SPAG1: variants seen among roughly 807,000 people sequenced by gnomAD.
SPAG1 encodes the protein sperm-associated antigen 1.
SPAG1 carries 69 observed loss-of-function variants against 100.5 expected under a neutral mutation model. The observed-to-expected ratio is 0.69, with a 90% CI of 0.57 to 0.84. SPAG1 has a LOEUF of 0.84. SPAG1 is among the 40% of genes least tolerant of loss of function. SPAG1 has a pLI of 0.00. For synonymous variants in SPAG1, 336 were observed against 411.6 expected, an observed-to-expected ratio of 0.82 and a Z score of 2.22; for missense variants, 955 against 1,133.1, an observed-to-expected ratio of 0.84 and a Z score of 2.26.
At chr8:100,221,741 G>C (rs1174395491) in intron 13 of SPAG1, among the ~76,000 whole-genome samples, 6 of 152,240 alleles carry the variant, frequency 3.9e-5, no homozygotes, top group Non-Finnish European at 7.3e-5. Context: ...TTGTTGCAGA[G>C]AGAGCACTTG....
chr8:100,215,700 A>G (rs1301934819), intron 12 of SPAG1, among the ~76,000 whole-genome samples: 4 of 152,072 alleles, frequency 2.6e-5, no homozygotes. Flanking sequence ...AATTTTTTGT[A>G]TTTTTAGTAG....
chr8:100,193,751 A>G (rs1816909553), intron 9 of SPAG1, among the ~76,000 whole-genome samples: 1 of 136,918 alleles, frequency 7.3e-6, no homozygotes, highest in Non-Finnish European at 1.7e-5. Flanking sequence ...CCTCATCTCT[A>G]TATTTTAAAT....
At chr8:100,237,128 T>TGAGGAATGA (rs1819042979) in intron 16 of SPAG1, among the ~76,000 whole-genome samples, 3 of 152,194 alleles carry the variant, frequency 2.0e-5, no homozygotes, top group Non-Finnish European at 4.4e-5. Context: ...TCACTCAGGC[T>TGAGGAATGA]GGGGTGCAGT....
At chr8:100,162,147 A>G in intron 1 of SPAG1, 132 bp from the exon 2 acceptor site, 1 of 649,312 alleles carries the variant, frequency 1.5e-6, no homozygotes, top group Non-Finnish European at 2.6e-6. Context: ...TGGGCAACAT[A>G]GGGAGACTCT....
At chr8:100,202,813 TTA>T (rs1215525609) in intron 10 of SPAG1, among the ~76,000 whole-genome samples, 4 of 151,828 alleles carry the variant, frequency 2.6e-5, no homozygotes, top group Non-Finnish European at 5.9e-5. Context: ...GTGTCTTTCC[TTA>T]TGCCAATACC....
chr8:100,204,068 T>C (rs1266957249), intron 10 of SPAG1, among the ~76,000 whole-genome samples: 1 of 152,162 alleles, frequency 6.6e-6, no homozygotes, highest in Non-Finnish European at 1.5e-5. Context: ...CCATACCCAG[T>C]AGTGGCAACA....
chr8:100,213,984 C>T (rs1817857835), intron 12 of SPAG1, 66 bp downstream of exon 12: 3 of 896,548 alleles, frequency 3.3e-6, no homozygotes, highest in Non-Finnish European at 5.3e-6. Flanking sequence ...ATGCAATATC[C>T]AAGATCCTAA....
At position 100,227,980 on chromosome 8, in the gene SPAG1, G is replaced by T. The variant is rs73280968; in HGVS notation, c.1855+2641G>T. ...TCCCACCTCAGTCCTGAGTAGCTGG[G>T]ACTACAGGTGTGTGCCACCGTGTCT... On this transcript the variant is annotated intron_variant, in intron 14 of 18. Coordinates refer to ENST00000388798, the MANE Select transcript of SPAG1 (RefSeq NM_003114.5). 5.0e-3 allele frequency among the ~76,000 whole-genome samples: 761 copies of T among 151,700 alleles called. 9 individuals carry two copies. Among genetic ancestry groups the T allele is most frequent in the African/African-American group, 0.018 (744 of 41,276 alleles).
rs543297097 is a variant in SPAG1 at position 100,227,803 on chromosome 8, C to T, written c.1855+2464C>T. On this transcript the variant is annotated intron_variant, in intron 14 of 18. Transcript: ENST00000388798. Reference sequence around the variant, plus strand: ...ATATTCTATTTCAGGGTTTATATACCAGGATTGGGAAAGTACCATTTGACC... The same window carrying T: ...ATATTCTATTTCAGGGTTTATATACTAGGATTGGGAAAGTACCATTTGACC... Among the ~76,000 whole-genome samples, 19 of 150,194 alleles carry T rather than the reference C, an allele frequency of 1.3e-4. 1 individual carries two copies. In the South Asian group the frequency reaches 1.9e-3, roughly 15 times the overall value.
chr8:100,208,257 TCA>T (rs1817586258), intron 10 of SPAG1, among the ~76,000 whole-genome samples: 2 of 152,098 alleles, frequency 1.3e-5, no homozygotes, highest in African/African-American at 4.8e-5. Context: ...AAGAATGGAG[TCA>T]CAGTGTTGGC....
intron 4 of SPAG1, among the ~76,000 whole-genome samples, chr8:100,179,428 G>A (rs1816272590): frequency 6.6e-6 from 1 of 152,142 alleles, no homozygotes; most frequent in African/African-American, 2.4e-5. Flanking sequence ...TACTAAGACT[G>A]TGCCTTGAAA....
chr8:100,224,561 A>G (rs1818424151), intron 13 of SPAG1, among the ~76,000 whole-genome samples: 1 of 152,120 alleles, frequency 6.6e-6, no homozygotes, highest in South Asian at 2.1e-4. Context: ...ACAAACAAAC[A>G]CACAAAAGAA....
chr8:100,176,843 T>TCTCCTCTCCTCTC (rs1563775416), intron 3 of SPAG1, among the ~76,000 whole-genome samples: 5 of 60,650 alleles, frequency 8.2e-5, no homozygotes, highest in African/African-American at 2.8e-4. Context: ...CCTCTCCTCT[T>TCTCCTCTCCTCTC]CTCTCTCCTC....
chr8:100,205,629 T>G (rs1436846570), intron 10 of SPAG1, among the ~76,000 whole-genome samples: 1 of 152,198 alleles, frequency 6.6e-6, no homozygotes, highest in Non-Finnish European at 1.5e-5. Context: ...CCACTAGAGC[T>G]GCCTCTACCT....
chr8:100,209,567 G>A (rs554136954), intron 10 of SPAG1, among the ~76,000 whole-genome samples: 1 of 151,860 alleles, frequency 6.6e-6, no homozygotes, highest in East Asian at 1.9e-4. Context: ...GTTTTGATAG[G>A]ATTGTGTTGC....
rs779544358 is a variant in SPAG1, at chr8:100,184,362, CA to C, written c.596-262del. Reference sequence around the variant, plus strand: ...TCCTAAAATTGTTTTCTTTTTGCTTCAAAACAAAAAGATGGGGCAGTTTATT... The same window carrying C: ...TCCTAAAATTGTTTTCTTTTTGCTTCAAACAAAAAGATGGGGCAGTTTATT... On this transcript the variant is annotated intron_variant, in intron 6 of 18. Coordinates refer to ENST00000388798, the MANE Select transcript of SPAG1 (RefSeq NM_003114.5). Among the ~76,000 whole-genome samples the C allele has an allele frequency of 1.1e-3, 165 of 151,798 alleles. 2 individuals are homozygous for C. Among genetic ancestry groups the C allele is most frequent in the Non-Finnish European group, 2.2e-3 (147 of 67,920 alleles).
intron 15 of SPAG1, among the ~76,000 whole-genome samples, chr8:100,232,060 G>A (rs1415074634): frequency 1.3e-5 from 2 of 152,142 alleles, no homozygotes; most frequent in African/African-American, 2.4e-5. Context: ...GCAGGAATGG[G>A]CAGATTGTTG....
At chr8:100,235,046 G>A (rs1371036522) in intron 16 of SPAG1, among the ~76,000 whole-genome samples, 1 of 152,208 alleles carries the variant, frequency 6.6e-6, no homozygotes, top group Non-Finnish European at 1.5e-5. Context: ...CTATAACAAA[G>A]CGCCATAGAC....
At chr8:100,162,453 A>T in intron 2 of SPAG1, 33 bp downstream of exon 2, 1 of 1,509,258 alleles carries the variant, frequency 6.6e-7, no homozygotes. Flanking sequence ...ATGTTTTAGT[A>T]TGACAGTTTT....
Sources: gnomAD v4.1 joint callset for allele counts (sites outside exome capture counted in the v4.1 genomes callset) on GRCh38, gnomAD v4.1.1 for gene constraint, MANE v1.5 for transcripts, NCBI Gene and HGNC (gene_info 2026-07-23, HGNC 2026-07-21) for gene names.